Variants in ITPR3 observed in about 807,000 individuals in gnomAD.
ITPR3 encodes the protein inositol 1,4,5-trisphosphate receptor type 3, also known as inositol 1,4,5-trisphosphate-gated calcium channel ITPR3.
Under a neutral mutation model 293.2 loss-of-function variants are expected in ITPR3, and 173 were observed. That is an observed-to-expected ratio of 0.59 (90% confidence interval 0.52 to 0.67). The LOEUF is 0.67. Among genes scored for constraint, ITPR3 ranks in the 30% least tolerant of loss-of-function variants. The pLI, the probability that ITPR3 is intolerant of heterozygous loss-of-function variation, is 0.00. For synonymous variants in ITPR3, 1,295 were observed against 1,444.4 expected (o/e 0.90, Z 2.35); for missense variants, 2,796 against 3,592.1 (o/e 0.78, Z 5.66).
In ITPR3 at chr6:33,672,205, C is replaced by A. The variant is rs373625572; in HGVS notation, c.2905C>A (p.Leu969Met). The A allele has an allele frequency of 1.9e-6, 3 of 1,612,722 alleles. No individual in the cohort carries two copies. The African/African-American group carries it at 4.0e-5, about 22-fold the overall frequency. Residue 969 changes from leucine to methionine, a missense_variant, in exon 22 of 58, where the codon CTG becomes ATG. Leu to Met is a conservative substitution (Grantham distance 15). Around this residue, in one of 8 missense-constraint regions of ITPR3, gnomAD observed 955 missense variants for 1,180.8 expected, o/e 0.81. Transcript: ENST00000605930. This position sits in a 1 kb window ranked among gnomAD's most constrained non-coding sequence, Gnocchi z 5.0. Reference sequence around the variant, plus strand: ...GGACATTGTGGTGATGGAGACCAAGCTGAAGATCCTGGAAATCCTTCAGGT... The same window carrying A: ...GGACATTGTGGTGATGGAGACCAAGATGAAGATCCTGGAAATCCTTCAGGT... ...NEDIVVMETKLKILEILQFIL... is the reference protein window; with the variant it reads ...NEDIVVMETKMKILEILQFIL...
chr6:33,670,226 C>A lies in ITPR3; in HGVS notation c.2190-99C>A. 7.6e-7 allele frequency: 1 copy of A among 1,324,466 alleles called. No individual in the cohort carries two copies. Among genetic ancestry groups the A allele is most frequent in the Non-Finnish European group, 1.1e-6 (1 of 939,308 alleles). 82.0% of individuals were successfully genotyped at this position (1,324,466 alleles called of 1,614,324 possible). The stretch of plus-strand genomic sequence containing the variant: ...AGCTGGCGCATCTTTAACCTAATCC[C>A]TTTGCCACTTTACTGAGTCCTCACC... On this transcript the variant is annotated intron_variant, in intron 18 of 57. Transcript: ENST00000605930. This position sits in a 1 kb window ranked among gnomAD's most constrained non-coding sequence, Gnocchi z 6.7.
At chr6:33,627,637 T>C (rs150688829) in intron 1 of ITPR3, among the ~76,000 whole-genome samples, 2 of 152,314 alleles carry the variant, frequency 1.3e-5, no homozygotes, top group African/African-American at 4.8e-5. Context: ...TTCCCAGAAA[T>C]GGAGATCAAA....
Position 33,629,906 on chromosome 6 carries a change from C to T in ITPR3, c.89+8215C>T, listed in dbSNP as rs1026517214. 2.6e-5 allele frequency among the ~76,000 whole-genome samples: 4 copies of T among 151,872 alleles called. No homozygotes were observed. In the East Asian group the frequency reaches 5.9e-4, roughly 22 times the overall value. On this transcript the variant is annotated intron_variant, in intron 1 of 57. Transcript: ENST00000605930. ...AAGAGATCAAGACCATCCTGGCCAACGTGGTGAAACTCCGTCTCTACTAAA... is the reference window on the plus strand; with the variant it reads ...AAGAGATCAAGACCATCCTGGCCAATGTGGTGAAACTCCGTCTCTACTAAA...
chr6:33,692,880 A>G lies in ITPR3; in HGVS notation c.7611A>G (p.Thr2537=). ...AGAAGGAGGAGATTCTTAAGACGAC[A>G]TGCTTCATCTGTGGTGAGGGCTGCT... ...KQKKEEILKT[T]CFICGLERDK... is the part of the protein sequence containing the mutation. Residue 2537 remains threonine (T), a synonymous_variant, in exon 55 of 58, where the codon ACA becomes ACG. Coordinates refer to ENST00000605930, the MANE Select transcript of ITPR3 (RefSeq NM_002224.4). This position sits in a 1 kb window ranked among gnomAD's most constrained non-coding sequence, Gnocchi z 4.2. The G allele has an allele frequency of 5.0e-6, 8 of 1,614,086 alleles. No homozygotes were observed. The highest frequency in any genetic ancestry group is 6.8e-6 in the Non-Finnish European group (8 of 1,179,992).
rs934928503 is a variant in ITPR3, at chr6:33,695,985, A to AAAG, written c.*207_*209dup. On this transcript the variant is annotated 3_prime_UTR_variant, in exon 58 of 58. Transcript: ENST00000605930. ...TGACAGTCCTGCTTAGAGCCCTTAA[A>AAAG]AAGACTTGAAAGTTCACTGGGACTC... 10 of 577,660 alleles carry AAAG rather than the reference A, an allele frequency of 1.7e-5. No homozygotes were observed. Among genetic ancestry groups the AAAG allele is most frequent in the African/African-American group, 1.3e-4 (7 of 53,516 alleles). 35.8% of individuals were successfully genotyped at this position (577,660 alleles called of 1,614,324 possible).
chr6:33,657,645 T>C (rs1764341656), intron 3 of ITPR3, among the ~76,000 whole-genome samples: 1 of 151,896 alleles, frequency 6.6e-6, no homozygotes, highest in South Asian at 2.1e-4. Flanking sequence ...CTCAAGGTCC[T>C]GCTGGCATGC....
chr6:33,663,356 C>T (rs974768468), intron 9 of ITPR3, 144 bp from the exon 10 acceptor site: 2 of 764,426 alleles, frequency 2.6e-6, no homozygotes, highest in East Asian at 5.4e-5. Flanking sequence ...GAAGGGCTCC[C>T]CTGGAATGAT....
In ITPR3 at chr6:33,662,913, G is replaced by T; in HGVS notation, c.861G>T (p.Val287=). The T allele has an allele frequency of 1.3e-6, 2 of 1,591,382 alleles. No individual in the cohort carries two copies. Among genetic ancestry groups the T allele is most frequent in the Non-Finnish European group, 1.7e-6 (2 of 1,167,816 alleles). ...GCCTCACACCTGTGTGCCCCTAGGT[G>T]GTCCACCACGACCCCTGCCGTGGAG... ...TSSNALWEVE[V]VHHDPCRGGA... Residue 287 remains valine (V), a splice_region_variant and synonymous_variant, in exon 9 of 58, where the codon GTG becomes GTT. Coordinates refer to ENST00000605930, the MANE Select transcript of ITPR3 (RefSeq NM_002224.4).
At chr6:33,680,818 ATC>A in intron 33 of ITPR3, 138 bp downstream of exon 33, 3 of 837,614 alleles carry the variant, frequency 3.6e-6, no homozygotes, top group Non-Finnish European at 5.0e-6. Flanking sequence ...TGTATTGGTT[ATC>A]TTTTTTTTTT....
At chr6:33,653,555 G>A (rs1764240581) in intron 2 of ITPR3, among the ~76,000 whole-genome samples, 2 of 151,668 alleles carry the variant, frequency 1.3e-5, no homozygotes, top group Admixed American at 1.3e-4. Flanking sequence ...AGTTTATATT[G>A]GAGTTGCATT....
rs372147468 is a variant in ITPR3, at chr6:33,674,128, G to A, written c.3059-80G>A. ...CTGTGCAGCCAGTGCAGGGAAGAGGGTGGTTTGAGTGTCTCCCTGTGCTCC... is the reference window on the plus strand; with the variant it reads ...CTGTGCAGCCAGTGCAGGGAAGAGGATGGTTTGAGTGTCTCCCTGTGCTCC... On this transcript the variant is annotated intron_variant, in intron 23 of 57. Transcript: ENST00000605930. 1.1e-4 allele frequency: 166 copies of A among 1,521,938 alleles called. 1 individual carries two copies. Among genetic ancestry groups the A allele is most frequent in the East Asian group, 1.0e-3 (45 of 43,878 alleles). The allele number at this position is 1,521,938 out of a possible 1,614,324, so 94.3% of individuals were successfully genotyped here. A position where few individuals can be genotyped will look rare whatever the true frequency, so the allele number is the denominator to read the frequency against.
chr6:33,631,493 T>C (rs1196187820), intron 1 of ITPR3, among the ~76,000 whole-genome samples: 1 of 152,186 alleles, frequency 6.6e-6, no homozygotes, highest in South Asian at 2.1e-4. Flanking sequence ...TCTCTGCACT[T>C]GTAAGAAAGA....
Position 33,638,306 on chromosome 6 carries a change from A to G in ITPR3, c.90-2178A>G, listed in dbSNP as rs887500041. ...GGCATGAGCCACCGCGTCCATCCAC[A>G]TAGGCATGATTGATTAAACCATTGG... On this transcript the variant is annotated intron_variant, in intron 1 of 57. Coordinates refer to ENST00000605930, the MANE Select transcript of ITPR3 (RefSeq NM_002224.4). This position sits in a 1 kb window ranked among gnomAD's most constrained non-coding sequence, Gnocchi z 4.3. 6.6e-6 allele frequency among the ~76,000 whole-genome samples: 1 copy of G among 152,222 alleles called. No homozygotes were observed. Among genetic ancestry groups the G allele is most frequent in the Non-Finnish European group, 1.5e-5 (1 of 68,048 alleles).
chr6:33,683,173 C>G lies in ITPR3; in HGVS notation c.4598-34C>G. The G allele has an allele frequency of 6.9e-7, 1 of 1,456,472 alleles. No homozygotes were observed. The highest frequency in any genetic ancestry group is 9.2e-7 in the Non-Finnish European group (1 of 1,090,564). 90.2% of individuals were successfully genotyped at this position (1,456,472 alleles called of 1,614,324 possible). A position where few individuals can be genotyped will look rare whatever the true frequency, so the allele number is the denominator to read the frequency against. ...TCTGGCTGGCTGAACTGCCCCCGCACCAGCACTCCAGCACTCCCTCCCTTC... is the reference window on the plus strand; with the variant it reads ...TCTGGCTGGCTGAACTGCCCCCGCAGCAGCACTCCAGCACTCCCTCCCTTC... On this transcript the variant is annotated intron_variant, in intron 34 of 57. Transcript: ENST00000605930. The surrounding 1 kb of genome is among the most constrained non-coding windows in gnomAD (Gnocchi z 4.5).
At position 33,662,842 on chromosome 6, in the gene ITPR3, C is replaced by T. The variant is rs1236212011; in HGVS notation, c.859-69C>T. 3.3e-6 allele frequency: 5 copies of T among 1,511,642 alleles called. No homozygotes were observed. The Admixed American group carries it at 7.9e-5, about 24-fold the overall frequency. 93.6% of individuals were successfully genotyped at this position (1,511,642 alleles called of 1,614,324 possible). On this transcript the variant is annotated intron_variant, in intron 8 of 57. Coordinates refer to ENST00000605930, the MANE Select transcript of ITPR3 (RefSeq NM_002224.4). ...ACCCACCCACCCAGAGATCTCCAGG[C>T]CTCCCTGGGGTCTGACTCCCCATGC... is the stretch of plus-strand genomic sequence containing the variant.
At chr6:33,678,050 C>A (rs147877035) in intron 28 of ITPR3, among the ~76,000 whole-genome samples, 1 of 152,108 alleles carries the variant, frequency 6.6e-6, no homozygotes, top group Non-Finnish European at 1.5e-5. Flanking sequence ...GGTTTTGATT[C>A]CTCATCCTGA....
Position 33,691,542 on chromosome 6 carries a change from GAC to G in ITPR3, c.7226-70_7226-69del. 1.6e-6 allele frequency: 2 copies of G among 1,273,892 alleles called. No individual in the cohort carries two copies. The allele number at this position is 1,273,892 out of a possible 1,614,324, so 78.9% of individuals were successfully genotyped here. A position where few individuals can be genotyped will look rare whatever the true frequency, so the allele number is the denominator to read the frequency against. ...CCAGGGAAGGTTTCCTGGAGGATGT[GAC>G]ACTGGGGACAGAGCCAGGGGATAAG... is the stretch of plus-strand genomic sequence containing the variant. On this transcript the variant is annotated intron_variant, in intron 52 of 57. Coordinates refer to ENST00000605930, the MANE Select transcript of ITPR3 (RefSeq NM_002224.4). This position sits in a 1 kb window ranked among gnomAD's most constrained non-coding sequence, Gnocchi z 4.9.
At position 33,655,676 on chromosome 6, in the gene ITPR3, A is replaced by C; in HGVS notation, c.161-90A>C. On this transcript the variant is annotated intron_variant, in intron 2 of 57. Transcript: ENST00000605930. This position sits in a 1 kb window ranked among gnomAD's most constrained non-coding sequence, Gnocchi z 4.9. Reference sequence around the variant, plus strand: ...GGAACGGGGGTGGGGAAGGGTTGGGAGAGAAGAGCTGCAGGCTGGGGTTTT... The same window carrying C: ...GGAACGGGGGTGGGGAAGGGTTGGGCGAGAAGAGCTGCAGGCTGGGGTTTT... 6.5e-7 allele frequency: 1 copy of C among 1,549,236 alleles called. No homozygotes were observed. The highest frequency in any genetic ancestry group is 1.2e-5 in the South Asian group (1 of 86,044).
At position 33,684,240 on chromosome 6, in the gene ITPR3, C is replaced by T; in HGVS notation, c.4937+72C>T. ...GGGACAGAGAAGGGCCCGGTGGGGA[C>T]TAGACAGGCTCACTGGGTCAGAGGG... is the stretch of plus-strand genomic sequence containing the variant. On this transcript the variant is annotated intron_variant, in intron 36 of 57. Transcript: ENST00000605930. The surrounding 1 kb of genome is among the most constrained non-coding windows in gnomAD (Gnocchi z 4.2). The T allele has an allele frequency of 1.1e-5, 17 of 1,597,538 alleles. No homozygotes were observed. Among genetic ancestry groups the T allele is most frequent in the Non-Finnish European group, 1.5e-5 (17 of 1,170,494 alleles).
Sources: allele counts gnomAD v4.1 joint callset (sites outside exome capture counted in the v4.1 genomes callset), GRCh38; gene constraint gnomAD v4.1.1; regional missense constraint gnomAD v4.1.1; non-coding constraint Gnocchi (gnomAD v3.1); transcripts MANE v1.5; gene names NCBI Gene and HGNC (gene_info 2026-07-23, HGNC 2026-07-21).